Variants in ENPP3 observed in about 807,000 individuals in gnomAD.
ENPP3 encodes the protein ectonucleotide pyrophosphatase/phosphodiesterase 3, also known as ectonucleotide pyrophosphatase/phosphodiesterase family member 3.
Under a neutral mutation model 117.8 loss-of-function variants are expected in ENPP3, and 104 were observed. The observed-to-expected ratio is 0.88, with a 90% CI of 0.75 to 1.04. The LOEUF (loss-of-function observed/expected upper bound fraction) is 1.04, where lower values mean the gene tolerates loss of function less well. Among genes scored for constraint, ENPP3 ranks in the 50% least tolerant of loss-of-function variants. ENPP3 has a pLI of 0.00. For missense variants in ENPP3, 1,026 were observed against 1,051.9 expected (o/e 0.98, Z 0.34); for synonymous variants, 380 against 349.9 (o/e 1.09, Z -0.96).
intron 2 of ENPP3, 90 bp downstream of exon 2, chr6:131,641,620 T>G (rs1562422754): frequency 1.3e-6 from 1 of 777,016 alleles, no homozygotes; most frequent in South Asian, 1.5e-5. Flanking sequence ...ATCCCAAGCC[T>G]CCTCTGTCCT....
intron 20 of ENPP3, 56 bp from the exon 21 acceptor site, chr6:131,733,531 AG>A (rs1780329571): frequency 4.5e-6 from 7 of 1,571,400 alleles, no homozygotes; most frequent in Non-Finnish European, 5.2e-6. Context: ...AAACCATATA[AG>A]GCAATGGGTG....
At position 131,650,497 on chromosome 6, in the gene ENPP3, A is replaced by G. The variant is rs563568752; in HGVS notation, c.277+348A>G. ...CTTGGCCTCCCAAAGTGCTGGGATT[A>G]TAGGCATGAACCACTATGCCAGGGC... is the stretch of plus-strand genomic sequence containing the variant. On this transcript the variant is annotated intron_variant, in intron 3 of 24. Transcript: ENST00000357639. Among the ~76,000 whole-genome samples the G allele has an allele frequency of 7.3e-4, 111 of 152,312 alleles. 1 individual carries two copies. The highest frequency in any genetic ancestry group is 7.2e-4 in the Non-Finnish European group (49 of 68,034).
chr6:131,675,025 A>C (rs571903840), intron 8 of ENPP3, 55 bp from the exon 9 acceptor site: 2 of 1,019,350 alleles, frequency 2.0e-6, no homozygotes, highest in South Asian at 2.5e-5. Context: ...AGTAAGGTAC[A>C]CCATTTCTAC....
At chr6:131,645,762 C>T (rs1284826861) in intron 2 of ENPP3, among the ~76,000 whole-genome samples, 1 of 151,740 alleles carries the variant, frequency 6.6e-6, no homozygotes, top group Non-Finnish European at 1.5e-5. Flanking sequence ...GCTTTTAATA[C>T]ATTTGGTATT....
chr6:131,720,274 CTGACTATTA>C lies in ENPP3; in HGVS notation c.1480-13_1480-5del. 2 of 1,434,422 alleles carry C rather than the reference CTGACTATTA, an allele frequency of 1.4e-6. No individual in the cohort carries two copies. The highest frequency in any genetic ancestry group is 1.9e-6 in the Non-Finnish European group (2 of 1,046,490). 88.9% of individuals were successfully genotyped at this position (1,434,422 alleles called of 1,614,324 possible). A position where few individuals can be genotyped will look rare whatever the true frequency, so the allele number is the denominator to read the frequency against. The stretch of plus-strand genomic sequence containing the variant: ...TTGGATGACATCTAATAATAATAAT[CTGACTATTA>C]TGACCTAGGCTATCTTTCTGGCACA... On this transcript the variant is annotated splice_polypyrimidine_tract_variant and intron_variant, in intron 16 of 24. Transcript: ENST00000357639.
At chr6:131,718,778 C>A in intron 16 of ENPP3, 40 bp downstream of exon 16, 1 of 1,248,602 alleles carries the variant, frequency 8.0e-7, no homozygotes, top group Non-Finnish European at 1.2e-6. Context: ...ATTTTAAGTT[C>A]AGGGGTACAT....
intron 1 of ENPP3, among the ~76,000 whole-genome samples, chr6:131,638,284 A>G (rs1777969654): frequency 2.0e-5 from 3 of 152,192 alleles, no homozygotes; most frequent in Admixed American, 6.5e-5. Flanking sequence ...CATGACATTG[A>G]CATTTTCATT....
In ENPP3 at chr6:131,746,968, C is replaced by G; in HGVS notation, c.*12C>G. 1 of 1,459,820 alleles carries G rather than the reference C, an allele frequency of 6.9e-7. No homozygotes were observed. The highest frequency in any genetic ancestry group is 9.5e-7 in the Non-Finnish European group (1 of 1,056,956). 90.4% of individuals were successfully genotyped at this position (1,459,820 alleles called of 1,614,324 possible). A position where few individuals can be genotyped will look rare whatever the true frequency, so the allele number is the denominator to read the frequency against. ...AAACCACTATTTAACTTAATAATGTCTACTTAATATATAATTTACTGTATA... is the reference window on the plus strand; with the variant it reads ...AAACCACTATTTAACTTAATAATGTGTACTTAATATATAATTTACTGTATA... On this transcript the variant is annotated 3_prime_UTR_variant, in exon 25 of 25. Coordinates refer to ENST00000357639, the MANE Select transcript of ENPP3 (RefSeq NM_005021.5).
intron 14 of ENPP3, among the ~76,000 whole-genome samples, chr6:131,692,490 G>T (rs73001214): frequency 6.6e-6 from 1 of 151,300 alleles, no homozygotes; most frequent in Non-Finnish European, 1.5e-5. Flanking sequence ...AATTGAGTCT[G>T]TTGGAAAGTA....
At chr6:131,663,413 A>G (rs77037458) in intron 6 of ENPP3, among the ~76,000 whole-genome samples, 4,847 of 151,164 alleles carry the variant, frequency 0.032, 106 homozygotes, top group African/African-American at 0.06. Context: ...CCAGCTGGGC[A>G]TGGTTGCTTA....
intron 2 of ENPP3, among the ~76,000 whole-genome samples, chr6:131,643,385 C>T (rs1301334303): frequency 6.6e-6 from 1 of 152,178 alleles, no homozygotes; most frequent in Non-Finnish European, 1.5e-5. Context: ...CTCTTTCATT[C>T]ACTTTAGTAC....
At chr6:131,666,851 C>A (rs1778626971) in intron 6 of ENPP3, among the ~76,000 whole-genome samples, 1 of 152,196 alleles carries the variant, frequency 6.6e-6, no homozygotes, top group Non-Finnish European at 1.5e-5. Context: ...ATGGACCGGC[C>A]TCGTATAGGA....
rs781328093 is a variant in ENPP3 at position 131,738,169 on chromosome 6, T to C, written c.2300+6T>C. ...GCTCCAGATGAAATTACCAAGTAAG[T>C]GATTTGACTTTTTGATTTATCAATA... is the stretch of plus-strand genomic sequence containing the variant. On this transcript the variant is annotated splice_donor_region_variant and intron_variant, in intron 23 of 24. Coordinates refer to ENST00000357639, the MANE Select transcript of ENPP3 (RefSeq NM_005021.5). The C allele has an allele frequency of 2.5e-6, 4 of 1,609,196 alleles. No individual in the cohort carries two copies. In the East Asian group the frequency reaches 6.7e-5, roughly 27 times the overall value.
chr6:131,641,799 GTTTTTTTTTTTTTT>G (rs540011427), intron 2 of ENPP3, among the ~76,000 whole-genome samples: 8 of 64,054 alleles, frequency 1.2e-4, no homozygotes, highest in Non-Finnish European at 1.8e-4. Context: ...CTCCACCCTG[GTTTTTTTTTTTTTT>G]TTTTTTTTTT....
At chr6:131,641,092 G>T (rs892848974) in intron 1 of ENPP3, among the ~76,000 whole-genome samples, 1 of 152,050 alleles carries the variant, frequency 6.6e-6, no homozygotes, top group Admixed American at 6.6e-5. Context: ...TTCAATAAAT[G>T]ATCACAAATG....
chr6:131,641,641 T>G, intron 2 of ENPP3, 111 bp downstream of exon 2: 1 of 668,954 alleles, frequency 1.5e-6, no homozygotes, highest in Middle Eastern at 2.5e-4. Flanking sequence ...CCATGCAGCA[T>G]TCTGCTTCTA....
chr6:131,690,216 G>A (rs1267370826), intron 14 of ENPP3, among the ~76,000 whole-genome samples: 1 of 152,214 alleles, frequency 6.6e-6, no homozygotes, highest in Non-Finnish European at 1.5e-5. Context: ...AAGTTCTACT[G>A]TGGGTAAAAT....
At chr6:131,650,257 TTGC>T in intron 3 of ENPP3, 108 bp downstream of exon 3, 11 of 1,231,344 alleles carry the variant, frequency 8.9e-6, no homozygotes, top group Non-Finnish European at 1.3e-5. Context: ...TGTCACTCTG[TTGC>T]CTAGGCTGGA....
At chr6:131,660,350 C>G (rs763727935) in intron 6 of ENPP3, among the ~76,000 whole-genome samples, 18 of 152,206 alleles carry the variant, frequency 1.2e-4, no homozygotes, top group Non-Finnish European at 2.2e-4. Context: ...TGAGCCTAAA[C>G]AATATCACAG....
Sources: allele counts gnomAD v4.1 joint callset (sites outside exome capture counted in the v4.1 genomes callset), GRCh38; gene constraint gnomAD v4.1.1; transcripts MANE v1.5; gene names NCBI Gene and HGNC (gene_info 2026-07-23, HGNC 2026-07-21).